The following RFX3 variants were observed in gnomAD, a reference collection of about 807,000 sequenced individuals.
RFX3 encodes regulatory factor X3.
In RFX3, 14 loss-of-function variants were observed where a neutral mutation model predicts 98.6. That is an observed-to-expected ratio of 0.14 (90% CI 0.09 to 0.22). The LOEUF is 0.22. Ranked by LOEUF, RFX3 falls within the 10% of genes least tolerant of loss-of-function variation. The pLI is 1.00. For missense variants in RFX3, 639 were observed against 926.9 expected, an observed-to-expected ratio of 0.69 and a Z score of 4.03; for synonymous variants, 383 against 328.4, an observed-to-expected ratio of 1.17 and a Z score of -1.80.
At chr9:3,365,004 A>G (rs1170920229) in intron 2 of RFX3, among the ~76,000 whole-genome samples, 1 of 152,186 alleles carries the variant, frequency 6.6e-6, no homozygotes. Flanking sequence ...AAAACAGTTA[A>G]GTAAAAAAAG....
intron 13 of RFX3, among the ~76,000 whole-genome samples, chr9:3,258,440 A>C (rs564723581): frequency 6.6e-5 from 10 of 152,106 alleles, no homozygotes; most frequent in Non-Finnish European, 1.0e-4. Flanking sequence ...GACTTTACCT[A>C]TTCAAGGGAC....
chr9:3,366,428 T>C (rs1316324711), intron 2 of RFX3, among the ~76,000 whole-genome samples: 1 of 152,198 alleles, frequency 6.6e-6, no homozygotes, highest in African/African-American at 2.4e-5. Flanking sequence ...GAGTACTCCA[T>C]AGTATAGACG....
intron 13 of RFX3, among the ~76,000 whole-genome samples, chr9:3,258,887 C>T (rs965696323): frequency 6.6e-6 from 1 of 151,192 alleles, no homozygotes; most frequent in African/African-American, 2.4e-5. Context: ...TCTACACATA[C>T]ATTTTATATT....
intron 1 of RFX3, among the ~76,000 whole-genome samples, chr9:3,494,598 T>A (rs562107176): frequency 3.3e-5 from 5 of 152,148 alleles, no homozygotes; most frequent in Non-Finnish European, 7.4e-5. Context: ...TCTATACCCA[T>A]CTGATTAGAA....
chr9:3,258,525 G>A (rs904816677), intron 13 of RFX3, among the ~76,000 whole-genome samples: 2 of 151,922 alleles, frequency 1.3e-5, no homozygotes, highest in Non-Finnish European at 2.9e-5. Flanking sequence ...GAAACCTACT[G>A]TTTCTTCTAT....
Position 3,225,061 on chromosome 9 carries a change from T to C in RFX3, c.2231A>G (p.Asn744Ser). ...QTIRQCSATG[N>S]TYTAV ...TATTCTTTAGACTGCAGTGTAGGTA[T>C]TTCCTGTAGCGCTGCACTGTCTGAT... The change falls in exon 17 of 17, where the codon AAT becomes AGT. Residue 744 changes from asparagine (N) to serine (S), a missense_variant. By Grantham distance (46) the Asn-to-Ser change is conservative. Coordinates refer to ENST00000617270, the MANE Select transcript of RFX3 (RefSeq NM_001282116.2). The C allele has an allele frequency of 6.2e-7, 1 of 1,613,942 alleles. No individual in the cohort carries two copies. Among genetic ancestry groups the C allele is most frequent in the South Asian group, 1.1e-5 (1 of 91,078 alleles).
chr9:3,356,177 G>A (rs1835737535), intron 2 of RFX3, among the ~76,000 whole-genome samples: 1 of 144,518 alleles, frequency 6.9e-6, no homozygotes, highest in Non-Finnish European at 1.5e-5. Flanking sequence ...AGGAAGGAAG[G>A]AAGGAAGGAA....
At chr9:3,505,886 T>C (rs927712510) in intron 1 of RFX3, among the ~76,000 whole-genome samples, 2 of 151,762 alleles carry the variant, frequency 1.3e-5, no homozygotes, top group Admixed American at 1.3e-4. Flanking sequence ...ATTGTTTGAA[T>C]GTGAGTTCCT....
chr9:3,450,087 T>C (rs1846438578), intron 1 of RFX3, among the ~76,000 whole-genome samples: 1 of 152,192 alleles, frequency 6.6e-6, no homozygotes, highest in African/African-American at 2.4e-5. Context: ...TTTATTGAAA[T>C]GGTAGATGCT....
At chr9:3,341,863 C>T (rs1833924984) in intron 3 of RFX3, among the ~76,000 whole-genome samples, 1 of 152,186 alleles carries the variant, frequency 6.6e-6, no homozygotes, top group South Asian at 2.1e-4. Context: ...ATGAAGAAAG[C>T]ACCTCTGCAT....
At chr9:3,304,245 T>C (rs1378695741) in intron 4 of RFX3, among the ~76,000 whole-genome samples, 1 of 152,018 alleles carries the variant, frequency 6.6e-6, no homozygotes, top group East Asian at 1.9e-4. Flanking sequence ...ATTATATTCA[T>C]TTTAAAAATT....
At chr9:3,422,611 T>C (rs1039118197) in intron 1 of RFX3, among the ~76,000 whole-genome samples, 1 of 152,244 alleles carries the variant, frequency 6.6e-6, no homozygotes, top group African/African-American at 2.4e-5. Context: ...AATCATTCAA[T>C]ATGCCAGTTA....
intron 1 of RFX3, among the ~76,000 whole-genome samples, chr9:3,486,369 G>A (rs558782608): frequency 9.9e-5 from 15 of 152,060 alleles, no homozygotes; most frequent in African/African-American, 3.4e-4. Flanking sequence ...TGCTTTTATC[G>A]ATTTTAGCTG....
At chr9:3,447,497 G>C (rs930568182) in intron 1 of RFX3, among the ~76,000 whole-genome samples, 1 of 152,082 alleles carries the variant, frequency 6.6e-6, no homozygotes, top group East Asian at 1.9e-4. Context: ...AATTTTCTCA[G>C]GTTAACCAGA....
At chr9:3,436,250 G>A (rs2132616911) in intron 1 of RFX3, among the ~76,000 whole-genome samples, 1 of 152,134 alleles carries the variant, frequency 6.6e-6, no homozygotes, top group South Asian at 2.1e-4. Context: ...TATCCTTCTA[G>A]ATTTCCATTT....
chr9:3,397,644 T>C (rs1437592269), intron 1 of RFX3, among the ~76,000 whole-genome samples: 1 of 152,196 alleles, frequency 6.6e-6, no homozygotes, highest in African/African-American at 2.4e-5. Flanking sequence ...TTTTTCACTT[T>C]GACTCTGTGC....
chr9:3,378,207 A>G (rs911061090), intron 2 of RFX3, among the ~76,000 whole-genome samples: 8 of 152,182 alleles, frequency 5.3e-5, no homozygotes, highest in Admixed American at 1.3e-4. Flanking sequence ...TAATATCTTC[A>G]AATTGTTACA....
rs541533415 is a variant in RFX3 at position 3,395,616 on chromosome 9, A to T, written c.-8-20T>A. On this transcript the variant is annotated intron_variant, in intron 1 of 16. Coordinates refer to ENST00000617270, the MANE Select transcript of RFX3 (RefSeq NM_001282116.2). ...TGGTCTCTGAAATAGATTAAAATGAAATTAAAGTTTAAAATGTCACTCCTG... is the reference window on the plus strand; with the variant it reads ...TGGTCTCTGAAATAGATTAAAATGATATTAAAGTTTAAAATGTCACTCCTG... The T allele has an allele frequency of 5.3e-5, 86 of 1,610,126 alleles. No individual in the cohort carries two copies. In the Middle Eastern group the frequency reaches 1.7e-3, roughly 31 times the overall value.
intron 1 of RFX3, among the ~76,000 whole-genome samples, chr9:3,496,753 T>C (rs1851134078): frequency 6.6e-6 from 1 of 152,058 alleles, no homozygotes; most frequent in Non-Finnish European, 1.5e-5. Context: ...ATTTGAACTC[T>C]GGTTTCCCTT....
Sources: allele counts gnomAD v4.1 joint callset (sites outside exome capture counted in the v4.1 genomes callset), GRCh38; gene constraint gnomAD v4.1.1; transcripts MANE v1.5; gene names NCBI Gene and HGNC (gene_info 2026-07-23, HGNC 2026-07-21).